C14orf132: variants seen among roughly 807,000 people sequenced by gnomAD.
C14orf132 encodes the protein uncharacterized protein C14orf132.
Under a neutral mutation model 5.8 loss-of-function variants are expected in C14orf132, and 6 were observed. The ratio of observed to expected loss-of-function variants is 1.03; its 90% CI spans 0.57 to 2.04. The LOEUF is 2.04. Among genes scored for constraint, C14orf132 ranks in the 30% most tolerant of loss-of-function variants. C14orf132 has a pLI of 0.00. For missense variants in C14orf132, 125 were observed against 115.8 expected, an observed-to-expected ratio of 1.08 and a Z score of -0.37; for synonymous variants, 51 against 49.8, an observed-to-expected ratio of 1.02 and a Z score of -0.10.
In C14orf132 at chr14:96,092,576, G is replaced by A. The variant is rs34807349; in HGVS notation, c.*5841G>A. 9,739 of 152,246 alleles carry A rather than the reference G, an allele frequency of 0.064. 317 individuals are homozygous for A. The highest frequency in any genetic ancestry group is 0.078 in the African/African-American group (3,245 of 41,524). 9.4% of individuals were successfully genotyped at this position (152,246 alleles called of 1,614,324 possible). A position where few individuals can be genotyped will look rare whatever the true frequency, so the allele number is the denominator to read the frequency against. On this transcript the variant is annotated 3_prime_UTR_variant, in exon 2 of 2. Coordinates refer to ENST00000555004, the MANE Select transcript of C14orf132 (RefSeq NM_001252507.3). ...TCTTAAAGAACCACACCATTACTGC[G>A]TTTGCCGTTCGAAGCGTTGTCCCAA... is the stretch of plus-strand genomic sequence containing the variant.
At chr14:96,043,054 G>C (rs969268693) in intron 1 of C14orf132, among the ~76,000 whole-genome samples, 1 of 152,152 alleles carries the variant, frequency 6.6e-6, no homozygotes, top group Non-Finnish European at 1.5e-5. Flanking sequence ...TGCATTCCCT[G>C]TCTCCCTCCT....
rs76831743 is a variant in C14orf132 at position 96,046,813 on chromosome 14, G to A, written c.27+7286G>A. ...ACCTTGAGAGACTCACAGTTAATTT[G>A]CATTTTAATCATTTTTCACAGAGGG... is the stretch of plus-strand genomic sequence containing the variant. On this transcript the variant is annotated intron_variant, in intron 1 of 1. Coordinates refer to ENST00000555004, the MANE Select transcript of C14orf132 (RefSeq NM_001252507.3). Among the ~76,000 whole-genome samples the A allele has an allele frequency of 7.0e-3, 1,072 of 152,258 alleles. 7 individuals are homozygous for A. Among genetic ancestry groups the A allele is most frequent in the African/African-American group, 0.025 (1,022 of 41,538 alleles).
intron 1 of C14orf132, among the ~76,000 whole-genome samples, chr14:96,050,380 G>A (rs1886993087): frequency 6.6e-6 from 1 of 152,144 alleles, no homozygotes; most frequent in African/African-American, 2.4e-5. Flanking sequence ...TATTCTACCT[G>A]CTCAGTGTCT....
At position 96,088,344 on chromosome 14, in the gene C14orf132, T is replaced by A. The variant is rs1888271739; in HGVS notation, c.*1609T>A. 1 of 152,214 alleles carries A rather than the reference T, an allele frequency of 6.6e-6. No individual in the cohort carries two copies. 9.4% of individuals were successfully genotyped at this position (152,214 alleles called of 1,614,324 possible). On this transcript the variant is annotated 3_prime_UTR_variant, in exon 2 of 2. Coordinates refer to ENST00000555004, the MANE Select transcript of C14orf132 (RefSeq NM_001252507.3). ...GCTGCCAGTTCTTACCGATCACATC[T>A]GTCACTGCCACCGTATATCATCTGC...
intron 1 of C14orf132, among the ~76,000 whole-genome samples, chr14:96,040,682 T>A (rs1238422605): frequency 6.6e-6 from 1 of 151,992 alleles, no homozygotes; most frequent in African/African-American, 2.4e-5. Flanking sequence ...GGGGTCTAGA[T>A]CCTGGCTCTC....
intron 1 of C14orf132, among the ~76,000 whole-genome samples, chr14:96,052,570 GAATT>G (rs1293922083): frequency 2.0e-5 from 3 of 152,326 alleles, no homozygotes; most frequent in Admixed American, 2.0e-4. Context: ...GAAGAGCAGG[GAATT>G]AATAAAGGCA....
intron 1 of C14orf132, among the ~76,000 whole-genome samples, chr14:96,074,510 G>C (rs538106198): frequency 6.7e-6 from 1 of 149,094 alleles, no homozygotes; most frequent in East Asian, 2.0e-4. Flanking sequence ...TTTCATTTAG[G>C]TCTAAGATCC....
At chr14:96,052,869 G>A (rs1370651305) in intron 1 of C14orf132, among the ~76,000 whole-genome samples, 1 of 152,194 alleles carries the variant, frequency 6.6e-6, no homozygotes, top group African/African-American at 2.4e-5. Context: ...GTTGACTCAG[G>A]AGGAGAGTGG....
chr14:96,045,969 G>C (rs1439555856), intron 1 of C14orf132, among the ~76,000 whole-genome samples: 2 of 152,136 alleles, frequency 1.3e-5, no homozygotes, highest in Non-Finnish European at 2.9e-5. Flanking sequence ...TAGGCAACTT[G>C]GCCACTCTCC....
At chr14:96,065,231 G>A (rs540688836) in intron 1 of C14orf132, among the ~76,000 whole-genome samples, 87 of 152,236 alleles carry the variant, frequency 5.7e-4, no homozygotes, top group African/African-American at 2.0e-3. Context: ...CTGGGGAGGA[G>A]GGTGCAGTGT....
chr14:96,064,696 A>T (rs914553046), intron 1 of C14orf132, among the ~76,000 whole-genome samples: 8 of 152,006 alleles, frequency 5.3e-5, no homozygotes, highest in African/African-American at 2.4e-5. Context: ...GAGGGGGCAT[A>T]AAAGACTACA....
intron 1 of C14orf132, among the ~76,000 whole-genome samples, chr14:96,068,443 G>A (rs1222707663): frequency 6.6e-6 from 1 of 152,156 alleles, no homozygotes; most frequent in Non-Finnish European, 1.5e-5. Flanking sequence ...GCAGATTCGT[G>A]GGCGCTGATT....
chr14:96,085,308 G>C (rs1297067777), intron 1 of C14orf132, among the ~76,000 whole-genome samples: 1 of 152,192 alleles, frequency 6.6e-6, no homozygotes, highest in Non-Finnish European at 1.5e-5. Flanking sequence ...ATTCATTCAG[G>C]TTCCCTTCAA....
rs985740499 is a variant in C14orf132, at chr14:96,039,709, C to T, written c.27+182C>T. Among the ~76,000 whole-genome samples, 5 of 152,076 alleles carry T rather than the reference C, an allele frequency of 3.3e-5. No homozygotes were observed. The highest frequency in any genetic ancestry group is 1.2e-4 in the African/African-American group (5 of 41,436). On this transcript the variant is annotated intron_variant, in intron 1 of 1. Transcript: ENST00000555004. The surrounding 1 kb of genome is among the most constrained non-coding windows in gnomAD (Gnocchi z 5.3). ...CGTCGGGGGCGGCGATCGCGGCTCT[C>T]CCGGGGTGGGGCGGGCTGCGCGCCC...
chr14:96,073,496 G>A (rs2369419), intron 1 of C14orf132, among the ~76,000 whole-genome samples: 75,156 of 151,980 alleles, frequency 0.49, 18,927 homozygotes, highest in East Asian at 0.62. Flanking sequence ...ACCATCTCAC[G>A]CCAGTCAGAA....
Position 96,070,952 on chromosome 14 carries a change from G to T in C14orf132, c.28-15559G>T, listed in dbSNP as rs561086347. ...GGTCATCGATCATTGTATGCAGTTT[G>T]CAGAGACCGCTGAGCTCACTCTGAG... is the stretch of plus-strand genomic sequence containing the variant. On this transcript the variant is annotated intron_variant, in intron 1 of 1. Transcript: ENST00000555004. Among the ~76,000 whole-genome samples the T allele has an allele frequency of 9.9e-5, 15 of 152,282 alleles. No individual in the cohort carries two copies. The East Asian group carries it at 1.5e-3, about 16-fold the overall frequency.
At chr14:96,055,427 G>A (rs1887152936) in intron 1 of C14orf132, among the ~76,000 whole-genome samples, 1 of 152,150 alleles carries the variant, frequency 6.6e-6, no homozygotes, top group Admixed American at 6.5e-5. Context: ...CCCACATCTT[G>A]AAAAGATAGT....
intron 1 of C14orf132, 104 bp from the exon 2 acceptor site, chr14:96,086,407 C>CGTA (rs767271574): frequency 6.1e-6 from 6 of 989,784 alleles, no homozygotes; most frequent in Non-Finnish European, 8.9e-6. Context: ...CAGTAGAGAT[C>CGTA]GTAGCTTCAT....
chr14:96,043,676 G>A (rs1728643996), intron 1 of C14orf132, among the ~76,000 whole-genome samples: 1 of 152,128 alleles, frequency 6.6e-6, no homozygotes, highest in African/African-American at 2.4e-5. Context: ...TGAAGGGTGA[G>A]ACTCAGAGTG....
Sources: gnomAD v4.1 joint callset for allele counts (sites outside exome capture counted in the v4.1 genomes callset) on GRCh38, gnomAD v4.1.1 for gene constraint, Gnocchi (gnomAD v3.1) non-coding constraint, MANE v1.5 for transcripts, NCBI Gene and HGNC (gene_info 2026-07-23, HGNC 2026-07-21) for gene names.